SLC22A25: variants seen among roughly 807,000 people sequenced by gnomAD.
The protein encoded by SLC22A25 is solute carrier family 22 member 25, also known as MGI:2442751, MGI:2385316, MGI:3042283, MGI:3645714, MGI:3605624, MGI:2442750.
SLC22A25 carries 44 observed loss-of-function variants against 45.9 expected under a neutral mutation model. The observed-to-expected ratio is 0.96, with a 90% CI of 0.75 to 1.23. The LOEUF is 1.23. Ranked by LOEUF, SLC22A25 falls within the 50% of genes most tolerant of loss-of-function variation. The pLI is 0.00. For missense variants in SLC22A25, 800 were observed against 666.4 expected, an observed-to-expected ratio of 1.20 and a Z score of -2.21; for synonymous variants, 283 against 238.6, an observed-to-expected ratio of 1.19 and a Z score of -1.72.
intron 7 of SLC22A25, among the ~76,000 whole-genome samples, chr11:63,216,005 T>G (rs12574967): frequency 0.46 from 69,737 of 151,994 alleles, 16,186 homozygotes; most frequent in East Asian, 0.56. Flanking sequence ...TTCATTAATC[T>G]GTCATTGATG....
intron 1 of SLC22A25, among the ~76,000 whole-genome samples, chr11:63,240,529 A>C (rs762114277): frequency 2.6e-5 from 4 of 152,180 alleles, no homozygotes; most frequent in Non-Finnish European, 4.4e-5. Flanking sequence ...AACTTTATAA[A>C]CTTTTTAGTT....
chr11:63,191,857 C>G (rs930284386), intron 7 of SLC22A25, among the ~76,000 whole-genome samples: 1 of 152,108 alleles, frequency 6.6e-6, no homozygotes, highest in Non-Finnish European at 1.5e-5. Flanking sequence ...ACTGATGTAC[C>G]TGAAAGGGAT....
chr11:63,207,503 CAT>C (rs2089438662), intron 7 of SLC22A25, among the ~76,000 whole-genome samples: 2 of 152,046 alleles, frequency 1.3e-5, no homozygotes, highest in Non-Finnish European at 1.5e-5. Flanking sequence ...AGCCAACAAA[CAT>C]ATGAAAAAAA....
chr11:63,235,486 T>A (rs2090147293), intron 3 of SLC22A25, among the ~76,000 whole-genome samples: 1 of 152,270 alleles, frequency 6.6e-6, no homozygotes, highest in Non-Finnish European at 1.5e-5. Flanking sequence ...GCCATTGTTT[T>A]CGGCTTCATC....
At chr11:63,202,724 C>T (rs770412502) in intron 7 of SLC22A25, among the ~76,000 whole-genome samples, 8 of 152,106 alleles carry the variant, frequency 5.3e-5, no homozygotes, top group South Asian at 2.1e-4. Flanking sequence ...CGGCTGTGGG[C>T]GCAGCTTCAG....
chr11:63,241,075 A>G (rs1228474831), intron 1 of SLC22A25, among the ~76,000 whole-genome samples: 5 of 152,218 alleles, frequency 3.3e-5, no homozygotes, highest in East Asian at 1.9e-4. Flanking sequence ...GCACATGAAA[A>G]TATTAGTATT....
rs1590762478 is a variant in SLC22A25, at chr11:63,163,078, T to G, written c.*746A>C. Among the ~76,000 whole-genome samples the G allele has an allele frequency of 1.3e-5, 2 of 152,156 alleles. No individual in the cohort carries two copies. Among genetic ancestry groups the G allele is most frequent in the African/African-American group, 4.8e-5 (2 of 41,422 alleles). On this transcript the variant is annotated 3_prime_UTR_variant, in exon 12 of 12. Transcript: ENST00000306494. ...CATACTGATTCTTTGCCCACTAGCT[T>G]TAATAAAAAACATGCCTCTGCCCGC...
At chr11:63,189,954 C>G (rs895448329) in intron 7 of SLC22A25, among the ~76,000 whole-genome samples, 1 of 152,218 alleles carries the variant, frequency 6.6e-6, no homozygotes, top group Non-Finnish European at 1.5e-5. Flanking sequence ...GTAACCCAAG[C>G]TTTCTGTCTG....
chr11:63,188,519 G>T (rs1295614246), intron 7 of SLC22A25, among the ~76,000 whole-genome samples: 1 of 151,820 alleles, frequency 6.6e-6, no homozygotes, highest in African/African-American at 2.4e-5. Flanking sequence ...TTGATTTTTT[G>T]AAGAGTTCTT....
rs1001016612 is a variant in SLC22A25 at position 63,158,576 on chromosome 11, T to C, written c.*5248A>G. Among the ~76,000 whole-genome samples, 1 of 152,200 alleles carries C rather than the reference T, an allele frequency of 6.6e-6. No homozygotes were observed. The highest frequency in any genetic ancestry group is 1.5e-5 in the Non-Finnish European group (1 of 68,030). On this transcript the variant is annotated 3_prime_UTR_variant, in exon 12 of 12. Coordinates refer to ENST00000306494, the MANE Select transcript of SLC22A25 (RefSeq NM_199352.6). ...GAGAATGGGGTATCCATCTTCTCAG[T>C]CATTTATCCTTTGTGTTACAAACAA...
intron 7 of SLC22A25, among the ~76,000 whole-genome samples, chr11:63,199,553 G>T (rs115284367): frequency 6.6e-6 from 1 of 151,692 alleles, no homozygotes; most frequent in Admixed American, 6.6e-5. Flanking sequence ...TCCCCCTCCC[G>T]CCTCCCTCCT....
Position 63,195,582 on chromosome 11 carries a change from A to G in SLC22A25, c.831-11765T>C, listed in dbSNP as rs2088992894. The stretch of plus-strand genomic sequence containing the variant: ...GAGAACAAAGACACAACATACCAGA[A>G]TCTCTGGGACACATTCAAAGCAGTG... On this transcript the variant is annotated intron_variant, in intron 7 of 11. Transcript: ENST00000306494. Among the ~76,000 whole-genome samples, 3 of 152,210 alleles carry G rather than the reference A, an allele frequency of 2.0e-5. No individual in the cohort carries two copies. The East Asian group carries it at 5.8e-4, about 29-fold the overall frequency.
intron 7 of SLC22A25, among the ~76,000 whole-genome samples, chr11:63,184,066 G>T: frequency 6.6e-6 from 1 of 152,086 alleles, no homozygotes; most frequent in East Asian, 1.9e-4. Flanking sequence ...CAGCAAATTT[G>T]TCATGGAGCT....
chr11:63,191,104 T>C (rs2088794465), intron 7 of SLC22A25, among the ~76,000 whole-genome samples: 1 of 151,958 alleles, frequency 6.6e-6, no homozygotes, highest in Non-Finnish European at 1.5e-5. Context: ...GTCTGCGGAG[T>C]TTTCTGCTGC....
chr11:63,165,318 T>C (rs1401842741), intron 10 of SLC22A25, among the ~76,000 whole-genome samples: 1 of 152,154 alleles, frequency 6.6e-6, no homozygotes, highest in Non-Finnish European at 1.5e-5. Context: ...ACTGCTGACA[T>C]TCAAGAGGAG....
rs1302437976 is a variant in SLC22A25, at chr11:63,164,121, T to A, written c.1395-48A>T. On this transcript the variant is annotated intron_variant, in intron 11 of 11. Transcript: ENST00000306494. Reference sequence around the variant, plus strand: ...AGGAAAAGTTGTTAAAAATCATACATATAATTTGTGATTTATCATTTTGCT... The same window carrying A: ...AGGAAAAGTTGTTAAAAATCATACAAATAATTTGTGATTTATCATTTTGCT... 2.6e-6 allele frequency: 4 copies of A among 1,525,492 alleles called. No homozygotes were observed. The African/African-American group carries it at 4.2e-5, about 16-fold the overall frequency. 94.5% of individuals were successfully genotyped at this position (1,525,492 alleles called of 1,614,324 possible).
chr11:63,242,580 G>A (rs1223236071), intron 1 of SLC22A25, among the ~76,000 whole-genome samples: 1 of 152,100 alleles, frequency 6.6e-6, no homozygotes, highest in Non-Finnish European at 1.5e-5. Context: ...TCCTCTTCCT[G>A]TGTGATTGTG....
chr11:63,229,630 T>G lies in SLC22A25; in HGVS notation c.23A>C (p.Asp8Ala). MAFQDLL[D>A]QVGGLGRFQI... ...GAATCTCCCCAGGCCTCCAACTTGA[T>G]CTAGGAGGTCCTGAAAGGCCATTGA... Residue 8 changes from aspartate (D) to alanine (A), a missense_variant, in exon 4 of 12, where the codon GAT (aspartate) becomes GCT (alanine). Asp to Ala is a moderately radical substitution (Grantham distance 126, BLOSUM62 -2). Transcript: ENST00000306494. The G allele has an allele frequency of 6.2e-7, 1 of 1,605,148 alleles. No individual in the cohort carries two copies. The highest frequency in any genetic ancestry group is 8.5e-7 in the Non-Finnish European group (1 of 1,172,464).
intron 9 of SLC22A25, among the ~76,000 whole-genome samples, chr11:63,175,463 A>C (rs1181393552): frequency 1.3e-5 from 2 of 152,030 alleles, no homozygotes; most frequent in African/African-American, 2.4e-5. Context: ...ACTTGCATTC[A>C]TGGTAGTGAG....
Sources: gnomAD v4.1 joint callset for allele counts (sites outside exome capture counted in the v4.1 genomes callset) on GRCh38, gnomAD v4.1.1 for gene constraint, MANE v1.5 for transcripts, NCBI Gene and HGNC (gene_info 2026-07-23, HGNC 2026-07-21) for gene names.